Variants in CDK6 observed in about 807,000 individuals in gnomAD.
CDK6 encodes cyclin dependent kinase 6, also known as cyclin-dependent kinase 6.
In CDK6, 6 loss-of-function variants were observed where a neutral mutation model predicts 37.1. The observed-to-expected ratio is 0.16, with a 90% CI of 0.09 to 0.32. CDK6 has a LOEUF of 0.32. Among genes scored for constraint, CDK6 ranks in the 10% least tolerant of loss-of-function variants. CDK6 has a pLI of 1.00. For missense variants in CDK6, 224 were observed against 418.9 expected (o/e 0.53, Z 4.06); for synonymous variants, 160 against 161.3 (o/e 0.99, Z 0.06).
At chr7:92,808,410 G>A (rs1394801211) in intron 2 of CDK6, among the ~76,000 whole-genome samples, 1 of 152,184 alleles carries the variant, frequency 6.6e-6, no homozygotes, top group Non-Finnish European at 1.5e-5. Context: ...GATACCATAA[G>A]GTATAGTCGG....
Position 92,607,443 on chromosome 7 carries a change from T to G in CDK6, c.*7697A>C, listed in dbSNP as rs1454990751. On this transcript the variant is annotated 3_prime_UTR_variant, in exon 8 of 8. Transcript: ENST00000424848. The stretch of plus-strand genomic sequence containing the variant: ...AAAACAACTACAAAGTCCTTTACTT[T>G]AATTCCTTTACATAATGATAAAACA... The G allele has an allele frequency of 4.3e-6, 1 of 232,982 alleles. No individual in the cohort carries two copies. The highest frequency in any genetic ancestry group is 8.5e-6 in the Non-Finnish European group (1 of 117,978). The allele number at this position is 232,982 out of a possible 1,614,324, so 14.4% of individuals were successfully genotyped here.
intron 2 of CDK6, among the ~76,000 whole-genome samples, chr7:92,782,429 G>C (rs1181901795): frequency 6.6e-6 from 1 of 152,128 alleles, no homozygotes; most frequent in African/African-American, 2.4e-5. Context: ...TAACAGCAGG[G>C]GCCCACGGAT....
chr7:92,734,939 G>T (rs1798748984), intron 3 of CDK6, among the ~76,000 whole-genome samples: 1 of 152,156 alleles, frequency 6.6e-6, no homozygotes, highest in Admixed American at 6.5e-5. Flanking sequence ...ACTTGCCCAG[G>T]GGTCAAGAGA....
chr7:92,780,397 GC>G (rs1333809004), intron 2 of CDK6, among the ~76,000 whole-genome samples: 2 of 152,178 alleles, frequency 1.3e-5, no homozygotes, highest in Non-Finnish European at 2.9e-5. Flanking sequence ...AAGGAATGGG[GC>G]TAGGCTACCT....
chr7:92,746,730 T>C (rs1398459100), intron 3 of CDK6, among the ~76,000 whole-genome samples: 1 of 152,142 alleles, frequency 6.6e-6, no homozygotes, highest in Non-Finnish European at 1.5e-5. Context: ...TTCTTAACAG[T>C]CTCACCAACA....
intron 4 of CDK6, among the ~76,000 whole-genome samples, chr7:92,720,452 C>T (rs1798339283): frequency 1.3e-5 from 2 of 152,144 alleles, no homozygotes; most frequent in African/African-American, 4.8e-5. Flanking sequence ...ATGGCAGTTT[C>T]CCCACTTTTC....
intron 4 of CDK6, among the ~76,000 whole-genome samples, chr7:92,687,554 G>A (rs1046492478): frequency 6.6e-6 from 1 of 152,068 alleles, no homozygotes; most frequent in South Asian, 2.1e-4. Flanking sequence ...TAACAACTAC[G>A]GCAATAGAAT....
intron 5 of CDK6, among the ~76,000 whole-genome samples, chr7:92,666,838 G>A (rs951140723): frequency 5.9e-5 from 9 of 152,170 alleles, no homozygotes; most frequent in African/African-American, 2.2e-4. Context: ...GCTGGTTTAT[G>A]TATTTACTAT....
intron 2 of CDK6, among the ~76,000 whole-genome samples, chr7:92,779,778 T>C (rs1250561908): frequency 6.6e-6 from 1 of 152,212 alleles, no homozygotes; most frequent in African/African-American, 2.4e-5. Context: ...GTAAACATTG[T>C]ACTAAAAATT....
chr7:92,824,980 A>T (rs1012714072), intron 2 of CDK6, among the ~76,000 whole-genome samples: 13 of 152,154 alleles, frequency 8.5e-5, no homozygotes, highest in African/African-American at 2.9e-4. Context: ...CACAAGCAGG[A>T]ACATTTGAAA....
chr7:92,645,811 C>T lies in CDK6; in HGVS notation c.648-22725G>A, dbSNP rs1014228003. On this transcript the variant is annotated intron_variant, in intron 5 of 7. Transcript: ENST00000424848. Reference sequence around the variant, plus strand: ...TGGATGACCTTCCAAGTCTTTCCTTCGGAGTTTATTTACTTCGTGGATACT... The same window carrying T: ...TGGATGACCTTCCAAGTCTTTCCTTTGGAGTTTATTTACTTCGTGGATACT... 5.9e-5 allele frequency among the ~76,000 whole-genome samples: 9 copies of T among 152,328 alleles called. No individual in the cohort carries two copies. The South Asian group carries it at 8.3e-4, about 14-fold the overall frequency.
intron 6 of CDK6, among the ~76,000 whole-genome samples, chr7:92,622,744 C>T (rs1795831200): frequency 2.6e-5 from 4 of 151,966 alleles, no homozygotes; most frequent in Admixed American, 2.6e-4. Flanking sequence ...TGACCACAAG[C>T]AGAAAATGTA....
intron 4 of CDK6, among the ~76,000 whole-genome samples, chr7:92,712,875 TATG>T (rs1562943859): frequency 1.3e-3 from 191 of 149,252 alleles, no homozygotes; most frequent in African/African-American, 3.8e-3. Context: ...TGTATGTATG[TATG>T]TATTTATTTA....
chr7:92,756,649 G>T (rs1016328522), intron 3 of CDK6, among the ~76,000 whole-genome samples: 3 of 152,190 alleles, frequency 2.0e-5, no homozygotes, highest in Middle Eastern at 3.2e-3. Flanking sequence ...GGTATTAATA[G>T]AAGGAAGATG....
intron 4 of CDK6, among the ~76,000 whole-genome samples, chr7:92,713,168 A>G (rs2116685244): frequency 6.6e-6 from 1 of 152,230 alleles, no homozygotes; most frequent in Non-Finnish European, 1.5e-5. Flanking sequence ...TGACATTAAC[A>G]CTTTACAATT....
intron 5 of CDK6, among the ~76,000 whole-genome samples, chr7:92,666,282 C>T (rs1796954669): frequency 6.6e-6 from 1 of 152,220 alleles, no homozygotes; most frequent in African/African-American, 2.4e-5. Context: ...TATCCCACCT[C>T]TGGTTAATTA....
At chr7:92,629,466 A>G (rs1554396796) in intron 5 of CDK6, among the ~76,000 whole-genome samples, 1 of 152,120 alleles carries the variant, frequency 6.6e-6, no homozygotes, top group Non-Finnish European at 1.5e-5. Flanking sequence ...TCAACTCAAA[A>G]TTGAGGATTA....
chr7:92,719,044 G>A lies in CDK6; in HGVS notation c.537+6582C>T, dbSNP rs77196411. Among the ~76,000 whole-genome samples, 50 of 152,290 alleles carry A rather than the reference G, an allele frequency of 3.3e-4. No individual in the cohort carries two copies. The East Asian group carries it at 8.7e-3, about 26-fold the overall frequency. On this transcript the variant is annotated intron_variant, in intron 4 of 7. Transcript: ENST00000424848. Reference sequence around the variant, plus strand: ...AAAGTTTCTGAATCCACGAGGTTCCGTTAGTGTTACTAAATGCTATCAACA... The same window carrying A: ...AAAGTTTCTGAATCCACGAGGTTCCATTAGTGTTACTAAATGCTATCAACA...
At chr7:92,751,791 C>A (rs915598601) in intron 3 of CDK6, among the ~76,000 whole-genome samples, 1 of 151,930 alleles carries the variant, frequency 6.6e-6, no homozygotes, top group African/African-American at 2.4e-5. Flanking sequence ...ATCATTTATA[C>A]CATGTGGTTT....
Sources: allele counts gnomAD v4.1 joint callset (sites outside exome capture counted in the v4.1 genomes callset), GRCh38; gene constraint gnomAD v4.1.1; transcripts MANE v1.5; gene names NCBI Gene and HGNC (gene_info 2026-07-23, HGNC 2026-07-21).